A2ML1: variants seen among roughly 807,000 people sequenced by gnomAD.
The protein encoded by A2ML1 is alpha-2-macroglobulin like 1.
Under a neutral mutation model 181.9 loss-of-function variants are expected in A2ML1, and 161 were observed. That is an observed-to-expected ratio of 0.89 (90% CI 0.78 to 1.01). A2ML1 has a LOEUF of 1.01. Ranked by LOEUF, A2ML1 falls within the 50% of genes least tolerant of loss-of-function variation. The probability of loss-of-function intolerance (pLI) is 0.00; values close to 1 mark genes in which losing one functional copy is unlikely to be tolerated. For synonymous variants in A2ML1, 663 were observed against 666.8 expected (o/e 0.99, Z 0.09); for missense variants, 1,670 against 1,768.1 (o/e 0.94, Z 1.00).
chr12:8,823,120 G>A, intron 1 of A2ML1, 62 bp from the exon 2 acceptor site: 2 of 1,526,962 alleles, frequency 1.3e-6, no homozygotes, highest in Non-Finnish European at 1.8e-6. Flanking sequence ...GCTTAGGAGA[G>A]TGCTGGATTT....
chr12:8,881,332 A>G (rs1487540251), downstream of A2ML1, among the ~76,000 whole-genome samples: 3 of 152,242 alleles, frequency 2.0e-5, no homozygotes, highest in Admixed American at 6.5e-5. Flanking sequence ...AAACATTAAC[A>G]AGACCAAGGA....
In A2ML1 at chr12:8,865,741, G is replaced by C. The variant is rs144400356; in HGVS notation, c.3717+1733G>C. 3.5e-3 allele frequency among the ~76,000 whole-genome samples: 531 copies of C among 152,026 alleles called. 4 individuals carry two copies. Among genetic ancestry groups the C allele is most frequent in the African/African-American group, 0.012 (508 of 41,448 alleles). On this transcript the variant is annotated intron_variant, in intron 29 of 35. Coordinates refer to ENST00000299698, the MANE Select transcript of A2ML1 (RefSeq NM_144670.6). ...GTGTGGCAGTATGGAAAAAACAGAGGGGTAGAATTGTATGATAAACTCAAA... is the reference window on the plus strand; with the variant it reads ...GTGTGGCAGTATGGAAAAAACAGAGCGGTAGAATTGTATGATAAACTCAAA...
chr12:8,822,666 C>T lies in A2ML1; in HGVS notation c.15C>T (p.Leu5=). 2 of 1,614,114 alleles carry T rather than the reference C, an allele frequency of 1.2e-6. No individual in the cohort carries two copies. Among genetic ancestry groups the T allele is most frequent in the Non-Finnish European group, 1.7e-6 (2 of 1,179,958 alleles). MWAQ[L]LLGMLALSPA... Reference sequence around the variant, plus strand: ...CACCCACAAAGATGTGGGCTCAGCTCCTTCTAGGAATGTTGGCCCTATCAC... The same window carrying T: ...CACCCACAAAGATGTGGGCTCAGCTTCTTCTAGGAATGTTGGCCCTATCAC... Residue 5 remains leucine, a synonymous_variant, in exon 1 of 36, where the codon CTC becomes CTT. Coordinates refer to ENST00000299698, the MANE Select transcript of A2ML1 (RefSeq NM_144670.6).
At chr12:8,870,583 C>G (rs1471480144) in intron 33 of A2ML1, among the ~76,000 whole-genome samples, 2 of 152,160 alleles carry the variant, frequency 1.3e-5, no homozygotes, top group Admixed American at 1.3e-4. Flanking sequence ...TGTATAGTTT[C>G]TTTTGAGACA....
At position 8,857,954 on chromosome 12, in the gene A2ML1, C is replaced by T. The variant is rs769398333; in HGVS notation, c.3116C>T (p.Ala1039Val). ...CCTCTTTACCCATGTAGGCTGACAG[C>T]GTTTGTCACAAAATGCTTTGGCCAA... ...RDGNGNTWLT[A>V]FVTKCFGQAQ... is the part of the protein sequence containing the mutation. The change falls in exon 26 of 36, where the codon GCG (alanine) becomes GTG (valine). Residue 1039 changes from alanine to valine, a missense_variant. Ala to Val is a moderately conservative substitution (Grantham distance 64). Transcript: ENST00000299698. The T allele has an allele frequency of 5.6e-6, 9 of 1,613,922 alleles. No individual in the cohort carries two copies. Among genetic ancestry groups the T allele is most frequent in the African/African-American group, 1.3e-5 (1 of 74,882 alleles).
chr12:8,844,511 A>G (rs1943600368), intron 12 of A2ML1, among the ~76,000 whole-genome samples: 1 of 152,186 alleles, frequency 6.6e-6, no homozygotes, highest in South Asian at 2.1e-4. Flanking sequence ...ATAACTTGGT[A>G]GCCTGAAAGC....
intron 25 of A2ML1, 26 bp from the exon 26 acceptor site, chr12:8,857,920 C>G (rs879134478): frequency 6.2e-7 from 1 of 1,608,154 alleles, no homozygotes; most frequent in Non-Finnish European, 8.5e-7. Context: ...CCTCTTCATG[C>G]CATATTTTCC....
chr12:8,846,003 G>A lies in A2ML1; in HGVS notation c.1538-74G>A. ...GGTGCCTGCACTGGCTCAGTGAAAA[G>A]TACATATGGTTAGATGCCGTTGGCA... On this transcript the variant is annotated intron_variant, in intron 13 of 35. Transcript: ENST00000299698. The A allele has an allele frequency of 7.0e-6, 11 of 1,575,026 alleles. No individual in the cohort carries two copies. In the South Asian group the frequency reaches 1.0e-4, roughly 15 times the overall value.
chr12:8,869,876 A>T (rs545000443), intron 33 of A2ML1, among the ~76,000 whole-genome samples: 12 of 152,244 alleles, frequency 7.9e-5, no homozygotes, highest in Admixed American at 1.3e-4. Context: ...TATTTAAGAC[A>T]TGTAAAAATA....
intron 11 of A2ML1, among the ~76,000 whole-genome samples, chr12:8,842,744 T>A (rs1015509688): frequency 1.3e-5 from 2 of 149,070 alleles, no homozygotes; most frequent in African/African-American, 4.8e-5. Context: ...CATGACTCAG[T>A]TACTCAGAAA....
intron 21 of A2ML1, among the ~76,000 whole-genome samples, 166 bp from the exon 22 acceptor site, chr12:8,854,614 C>T (rs1473605734): frequency 1.4e-5 from 2 of 140,880 alleles, no homozygotes; most frequent in Non-Finnish European, 3.1e-5. Flanking sequence ...AAGGGCCCAT[C>T]CTTGGGTTGA....
At position 8,863,871 on chromosome 12, in the gene A2ML1, G is replaced by A; in HGVS notation, c.3580G>A (p.Val1194Met). ...TTGGTCTGAGCCTGCGGCTGTAGAT[G>A]TGGAACTCACAGCATATGCATTGTT... ...SPWSEPAAVD[V>M]ELTAYALLAQ... The change falls in exon 29 of 36, where the codon GTG becomes ATG. Residue 1194 changes from valine (V) to methionine (M), a missense_variant. Physicochemically the swap from Val to Met is conservative, Grantham distance 21 (BLOSUM62 1). Transcript: ENST00000299698. The A allele has an allele frequency of 1.2e-6, 2 of 1,614,236 alleles. No individual in the cohort carries two copies. Among genetic ancestry groups the A allele is most frequent in the South Asian group, 1.1e-5 (1 of 91,090 alleles).
At position 8,863,825 on chromosome 12, in the gene A2ML1, TCCATCATCGAACG is replaced by T; in HGVS notation, c.3538_3550del (p.Ser1180AlafsTer9). The T allele has an allele frequency of 2.5e-6, 4 of 1,614,238 alleles. No homozygotes were observed. The highest frequency in any genetic ancestry group is 3.4e-6 in the Non-Finnish European group (4 of 1,180,040). On this transcript the variant is annotated frameshift_variant, in exon 29 of 36. Transcript: ENST00000299698. LOFTEE classifies it high-confidence loss of function. Reference sequence around the variant, plus strand: ...CCATTTACTGGAGCCAGAAACCTACTCCATCATCGAACGCCAGCCCTTGGTCTGAGCCTGCGGC... The same window carrying T: ...CCATTTACTGGAGCCAGAAACCTACTCCAGCCCTTGGTCTGAGCCTGCGGC...
At chr12:8,826,375 C>T (rs1033430365) in intron 3 of A2ML1, among the ~76,000 whole-genome samples, 3 of 152,062 alleles carry the variant, frequency 2.0e-5, no homozygotes, top group Admixed American at 2.0e-4. Flanking sequence ...TTATTTATAG[C>T]TATTGTAAAT....
chr12:8,879,902 C>T (rs1944853608), downstream of A2ML1, among the ~76,000 whole-genome samples: 1 of 152,128 alleles, frequency 6.6e-6, no homozygotes, highest in Middle Eastern at 3.2e-3. Context: ...AATACTGATA[C>T]ATACATTTAT....
chr12:8,850,729 C>G (rs185149039), intron 18 of A2ML1, among the ~76,000 whole-genome samples: 1 of 152,098 alleles, frequency 6.6e-6, no homozygotes, highest in Non-Finnish European at 1.5e-5. Flanking sequence ...ATTTATTTTC[C>G]GGAATTCTTT....
chr12:8,825,979 T>G (rs1487626002), intron 3 of A2ML1, among the ~76,000 whole-genome samples: 4 of 152,216 alleles, frequency 2.6e-5, no homozygotes, highest in Non-Finnish European at 5.9e-5. Context: ...CCATGCTGTT[T>G]TGGTTACTAT....
chr12:8,886,008 T>TCACA lies in A2ML1; in HGVS notation c.*95-498_*95-497insACAC, dbSNP rs1491278936. 5.1e-3 allele frequency among the ~76,000 whole-genome samples: 283 copies of TCACA among 55,324 alleles called. 1 individual carries two copies. The highest frequency in any genetic ancestry group is 0.018 in the African/African-American group (254 of 14,362). 36.3% of individuals were successfully genotyped at this position (55,324 alleles called of 152,430 possible). A position where few individuals can be genotyped will look rare whatever the true frequency, so the allele number is the denominator to read the frequency against. ...TTACTTCGCCTATCCTTCAACAATA[T>TCACA]CTCACACACACACACACACACACAC... On this transcript the variant is annotated intron_variant and NMD_transcript_variant, in intron 7 of 7. Transcript: ENST00000537475.
At chr12:8,874,034 G>C in intron 33 of A2ML1, among the ~76,000 whole-genome samples, 1 of 152,030 alleles carries the variant, frequency 6.6e-6, no homozygotes, top group African/African-American at 2.4e-5. Flanking sequence ...TTTTTAATTT[G>C]AGATGGAGTC....
Sources: allele counts gnomAD v4.1 joint callset (sites outside exome capture counted in the v4.1 genomes callset), GRCh38; gene constraint gnomAD v4.1.1; transcripts MANE v1.5; gene names NCBI Gene and HGNC (gene_info 2026-07-23, HGNC 2026-07-21).